Variants in SOS1 observed in about 807,000 individuals in gnomAD.
The protein encoded by SOS1 is SOS Ras/Rac guanine nucleotide exchange factor 1, also known as son of sevenless homolog 1.
SOS1 carries 25 observed loss-of-function variants against 157.6 expected under a neutral mutation model. That is an observed-to-expected ratio of 0.16 (90% CI 0.12 to 0.22). The LOEUF (loss-of-function observed/expected upper bound fraction) is 0.22. Among genes scored for constraint, SOS1 ranks in the 10% least tolerant of loss-of-function variants. SOS1 has a pLI of 1.00. For synonymous variants in SOS1, 528 were observed against 534.0 expected (o/e 0.99, Z 0.16); for missense variants, 1,237 against 1,599.1 (o/e 0.77, Z 3.86).
At chr2:39,093,859 C>T (rs1161968569) in intron 1 of SOS1, among the ~76,000 whole-genome samples, 1 of 152,186 alleles carries the variant, frequency 6.6e-6, no homozygotes, top group Non-Finnish European at 1.5e-5. Flanking sequence ...AAGTTCATTG[C>T]TATAGTTTCA....
intron 2 of SOS1, among the ~76,000 whole-genome samples, chr2:39,063,938 T>C (rs552574563): frequency 4.6e-5 from 7 of 152,228 alleles, no homozygotes; most frequent in African/African-American, 1.7e-4. Flanking sequence ...GCTCAGGCGA[T>C]CCTCCCACCT....
At chr2:39,116,871 A>G (rs143495986) in intron 1 of SOS1, among the ~76,000 whole-genome samples, 165 of 152,212 alleles carry the variant, frequency 1.1e-3, no homozygotes, top group African/African-American at 3.8e-3. Context: ...AAAACAAACA[A>G]AAGAAACTTT....
chr2:39,023,536 T>TA (rs1158389236), intron 9 of SOS1, among the ~76,000 whole-genome samples: 2 of 151,682 alleles, frequency 1.3e-5, no homozygotes, highest in African/African-American at 4.8e-5. Flanking sequence ...CCCAATACAG[T>TA]AAAAAAAAGT....
In SOS1 at chr2:39,058,688, A is replaced by G. The variant is rs1572860657; in HGVS notation, c.330T>C (p.Ile110=). ...TCAGCATTACCTTTAATAAAGGATGAATTTTTTCTACTGGGAGAGATAAAG... is the reference window on the plus strand; with the variant it reads ...TCAGCATTACCTTTAATAAAGGATGGATTTTTTCTACTGGGAGAGATAAAG... The part of the protein sequence containing the change: ...RNPLSLPVEK[I]HPLLKEVLGY... Residue 110 remains isoleucine, a synonymous_variant, in exon 3 of 23, where the codon ATT becomes ATC. Coordinates refer to ENST00000402219, the MANE Select transcript of SOS1 (RefSeq NM_005633.4). 1.2e-6 allele frequency: 2 copies of G among 1,612,974 alleles called. No homozygotes were observed. The highest frequency in any genetic ancestry group is 1.7e-6 in the Non-Finnish European group (2 of 1,179,226).
Position 38,984,402 on chromosome 2 carries a change from T to C in SOS1, c.*1422A>G, listed in dbSNP as rs939751432. 1.3e-5 allele frequency: 2 copies of C among 152,218 alleles called. No individual in the cohort carries two copies. Among genetic ancestry groups the C allele is most frequent in the African/African-American group, 4.8e-5 (2 of 41,464 alleles). The allele number at this position is 152,218 out of a possible 1,614,324, so 9.4% of individuals were successfully genotyped here. On this transcript the variant is annotated 3_prime_UTR_variant, in exon 23 of 23. Transcript: ENST00000402219. Reference sequence around the variant, plus strand: ...AATGATGCAGGTAGATGTTCTATTATGAATAGTTTTGATAAAGCAGAAAAC... The same window carrying C: ...AATGATGCAGGTAGATGTTCTATTACGAATAGTTTTGATAAAGCAGAAAAC...
upstream of SOS1, among the ~76,000 whole-genome samples, chr2:39,124,533 C>A (rs961983985): frequency 6.6e-6 from 1 of 152,252 alleles, no homozygotes; most frequent in African/African-American, 2.4e-5. Context: ...CTTCAGTGTG[C>A]CCCCTGCAGG....
At chr2:39,060,387 T>C (rs990606831) in intron 2 of SOS1, among the ~76,000 whole-genome samples, 2 of 152,196 alleles carry the variant, frequency 1.3e-5, no homozygotes, top group Non-Finnish European at 2.9e-5. Flanking sequence ...CTGTCCTTAT[T>C]ATATGTAGCA....
chr2:39,002,526 G>A (rs896130662), intron 17 of SOS1, among the ~76,000 whole-genome samples: 14 of 152,102 alleles, frequency 9.2e-5, no homozygotes, highest in African/African-American at 3.4e-4. Flanking sequence ...TGAGTAGCAT[G>A]ACTATAAGCT....
intron 5 of SOS1, among the ~76,000 whole-genome samples, chr2:39,052,813 T>A (rs1671066499): frequency 6.6e-6 from 1 of 152,010 alleles, no homozygotes; most frequent in South Asian, 2.1e-4. Flanking sequence ...AACCTAGGAG[T>A]AGAATTGCTG....
At chr2:39,028,982 C>G (rs1361718803) in intron 8 of SOS1, among the ~76,000 whole-genome samples, 1 of 152,140 alleles carries the variant, frequency 6.6e-6, no homozygotes, top group Non-Finnish European at 1.5e-5. Flanking sequence ...GAAATATTAT[C>G]CAAATTATTC....
chr2:39,027,978 G>A (rs897760584), intron 8 of SOS1, among the ~76,000 whole-genome samples: 1 of 151,984 alleles, frequency 6.6e-6, no homozygotes, highest in Non-Finnish European at 1.5e-5. Context: ...TTACAGCTGC[G>A]TGTTACCACA....
At chr2:39,052,612 T>C (rs1019893590) in intron 5 of SOS1, among the ~76,000 whole-genome samples, 4 of 152,224 alleles carry the variant, frequency 2.6e-5, no homozygotes, top group African/African-American at 9.6e-5. Context: ...ACCCATGCTG[T>C]TGCACGCATA....
upstream of SOS1, among the ~76,000 whole-genome samples, chr2:39,122,018 T>C (rs1253242668): frequency 6.6e-6 from 1 of 152,266 alleles, no homozygotes; most frequent in Non-Finnish European, 1.5e-5. Flanking sequence ...CATTGTGTCC[T>C]GCTATTCCTG....
At chr2:39,006,099 T>C (rs1414580068) in intron 17 of SOS1, among the ~76,000 whole-genome samples, 1 of 152,106 alleles carries the variant, frequency 6.6e-6, no homozygotes, top group African/African-American at 2.4e-5. Context: ...TGATTATAAA[T>C]ATAGTTGAGT....
chr2:39,031,798 T>C (rs1447206598), intron 8 of SOS1, among the ~76,000 whole-genome samples: 1 of 152,172 alleles, frequency 6.6e-6, no homozygotes, highest in African/African-American at 2.4e-5. Context: ...TAAATTTGTT[T>C]AATGAAGTAA....
chr2:39,013,505 C>T lies in SOS1; in HGVS notation c.2122G>A (p.Ala708Thr), dbSNP rs140811086. The change falls in exon 13 of 23, where the codon GCA becomes ACA. Residue 708 changes from alanine to threonine, a missense_variant. Physicochemically the swap from Ala to Thr is moderately conservative, Grantham distance 58. Transcript: ENST00000402219. The part of the protein sequence containing the change: ...EHHFYDFERD[A>T]YLLQRMEEFI... ...TCTTCCATTCGTTGCAAAAGATATG[C>T]ATCTCTTTCAAAATCATAGAAGTGG... 1.6e-3 allele frequency: 2,603 copies of T among 1,612,550 alleles called. 71 individuals are homozygous for T. The Admixed American group carries it at 0.041, about 26-fold the overall frequency.
At chr2:39,100,616 T>C (rs1672932740) in intron 1 of SOS1, among the ~76,000 whole-genome samples, 1 of 152,034 alleles carries the variant, frequency 6.6e-6, no homozygotes. Context: ...AAGTCTAACA[T>C]ATAGAAACAA....
rs527364375 is a variant in SOS1 at position 39,043,649 on chromosome 2, T to G, written c.864+7495A>C. The stretch of plus-strand genomic sequence containing the variant: ...CAGGCAGGTGCATCTGGTGAGGGCT[T>G]TCTTGCTGGTAGGGACTCTGCAGAG... On this transcript the variant is annotated intron_variant, in intron 6 of 22. Coordinates refer to ENST00000402219, the MANE Select transcript of SOS1 (RefSeq NM_005633.4). 7.2e-5 allele frequency among the ~76,000 whole-genome samples: 11 copies of G among 152,270 alleles called. No individual in the cohort carries two copies. In the East Asian group the frequency reaches 9.6e-4, roughly 13 times the overall value.
intron 6 of SOS1, among the ~76,000 whole-genome samples, chr2:39,041,077 G>C (rs1281584221): frequency 1.3e-5 from 2 of 151,904 alleles, no homozygotes; most frequent in East Asian, 3.8e-4. Context: ...TTTTCTTTTA[G>C]AGATGGAGTC....
Sources: gnomAD v4.1 joint callset for allele counts (sites outside exome capture counted in the v4.1 genomes callset) on GRCh38, gnomAD v4.1.1 for gene constraint, MANE v1.5 for transcripts, NCBI Gene and HGNC (gene_info 2026-07-23, HGNC 2026-07-21) for gene names.